The following CYP2U1 variants were observed in gnomAD, a reference collection of about 807,000 sequenced individuals.
CYP2U1 encodes cytochrome P450 family 2 subfamily U member 1.
In CYP2U1, 28 loss-of-function variants were observed where a neutral mutation model predicts 42.8. The observed-to-expected ratio is 0.65, with a 90% CI of 0.48 to 0.90. The LOEUF (loss-of-function observed/expected upper bound fraction) is 0.90, where lower values mean the gene tolerates loss of function less well. Ranked by LOEUF, CYP2U1 falls within the 40% of genes least tolerant of loss-of-function variation. CYP2U1 has a pLI of 0.00. For synonymous variants in CYP2U1, 296 were observed against 278.9 expected (o/e 1.06, Z -0.61); for missense variants, 642 against 693.8 (o/e 0.93, Z 0.84).
In CYP2U1 at chr4:107,953,189, A is replaced by C. The variant is rs186182905; in HGVS notation, c.*2766A>C. The C allele has an allele frequency of 6.6e-6, 1 of 152,346 alleles. No homozygotes were observed. Among genetic ancestry groups the C allele is most frequent in the East Asian group, 1.9e-4 (1 of 5,190 alleles). The allele number at this position is 152,346 out of a possible 1,614,324, so 9.4% of individuals were successfully genotyped here. ...AATAGTTTATAGCTTATTGAGAAGA[A>C]GTCTGTTCTTGGAGAGATGTTGAAA... On this transcript the variant is annotated 3_prime_UTR_variant, in exon 5 of 5. Coordinates refer to ENST00000332884, the MANE Select transcript of CYP2U1 (RefSeq NM_183075.3).
At chr4:107,943,656 A>G (rs910723183) in intron 1 of CYP2U1, among the ~76,000 whole-genome samples, 8 of 152,244 alleles carry the variant, frequency 5.3e-5, no homozygotes, top group Admixed American at 2.6e-4. Flanking sequence ...ATTGTCTGGT[A>G]TGTTTGACTG....
At chr4:107,932,979 G>A (rs188089706) in intron 1 of CYP2U1, among the ~76,000 whole-genome samples, 35 of 152,290 alleles carry the variant, frequency 2.3e-4, no homozygotes, top group Admixed American at 4.6e-4. Context: ...CTTCACCACT[G>A]TTCTGACATC....
At chr4:107,935,651 C>T (rs1733232901) in intron 1 of CYP2U1, 2 of 152,098 alleles carry the variant, frequency 1.3e-5, no homozygotes, top group Non-Finnish European at 2.9e-5. Flanking sequence ...TCAAGATGAT[C>T]ATCAAAGGAT....
chr4:107,941,959 C>G (rs1733509620), intron 1 of CYP2U1, among the ~76,000 whole-genome samples: 1 of 152,120 alleles, frequency 6.6e-6, no homozygotes, highest in African/African-American at 2.4e-5. Flanking sequence ...AAAAAGCTTA[C>G]ATTACGAAAC....
chr4:107,942,666 G>A (rs1733539766), intron 1 of CYP2U1, among the ~76,000 whole-genome samples: 1 of 152,168 alleles, frequency 6.6e-6, no homozygotes, highest in South Asian at 2.1e-4. Context: ...TTACAGATTG[G>A]TGGTGAAGGG....
chr4:107,934,065 G>T (rs1733158188), intron 1 of CYP2U1, among the ~76,000 whole-genome samples: 1 of 152,114 alleles, frequency 6.6e-6, no homozygotes, highest in African/African-American at 2.4e-5. Flanking sequence ...TGATCATGTG[G>T]TAATTCTAGG....
chr4:107,941,910 A>C (rs890273313), intron 1 of CYP2U1, among the ~76,000 whole-genome samples: 3 of 152,192 alleles, frequency 2.0e-5, no homozygotes, highest in African/African-American at 7.2e-5. Context: ...TGAGAAAGGA[A>C]ACTTATAAGC....
chr4:107,936,877 G>A (rs919849215), intron 1 of CYP2U1, among the ~76,000 whole-genome samples: 18 of 152,084 alleles, frequency 1.2e-4, no homozygotes, highest in Admixed American at 5.9e-4. Flanking sequence ...TAAAATAACC[G>A]TATTATGCAG....
chr4:107,937,014 GT>G (rs33951691), intron 1 of CYP2U1, among the ~76,000 whole-genome samples: 25,889 of 152,162 alleles, frequency 0.17, 2,414 homozygotes, highest in Non-Finnish European at 0.21. Context: ...TAGGACACTA[GT>G]CATGAAAGTA....
Position 107,947,397 on chromosome 4 carries a change from A to AAAG in CYP2U1, c.1150_1152dup (p.Arg384dup), listed in dbSNP as rs1733734789. 1 of 1,613,976 alleles carries AAAG rather than the reference A, an allele frequency of 6.2e-7. No individual in the cohort carries two copies. Among genetic ancestry groups the AAAG allele is most frequent in the Non-Finnish European group, 8.5e-7 (1 of 1,180,004 alleles). On this transcript the variant is annotated inframe_insertion, in exon 3 of 5. Coordinates refer to ENST00000332884, the MANE Select transcript of CYP2U1 (RefSeq NM_183075.3). The stretch of plus-strand genomic sequence containing the variant: ...ATAGAAAAGGTTCATGAAGAAATTG[A>AAAG]AAGAGTCATTGGCGCCAACCGAGCT...
chr4:107,950,492 C>A lies in CYP2U1; in HGVS notation c.*69C>A. 6.9e-7 allele frequency: 1 copy of A among 1,453,778 alleles called. No individual in the cohort carries two copies. Among genetic ancestry groups the A allele is most frequent in the East Asian group, 2.4e-5 (1 of 41,388 alleles). The allele number at this position is 1,453,778 out of a possible 1,614,324, so 90.1% of individuals were successfully genotyped here. ...TATCCTTCTAAGCAGATTCTTCCTACTGCAAAGGACAGTGAATCCAGCAAC... is the reference window on the plus strand; with the variant it reads ...TATCCTTCTAAGCAGATTCTTCCTAATGCAAAGGACAGTGAATCCAGCAAC... On this transcript the variant is annotated 3_prime_UTR_variant, in exon 5 of 5. Transcript: ENST00000332884.
chr4:107,950,251 G>T lies in CYP2U1; in HGVS notation c.1463G>T (p.Arg488Leu), dbSNP rs762873672. 6.3e-7 allele frequency: 1 copy of T among 1,596,634 alleles called. No homozygotes were observed. The highest frequency in any genetic ancestry group is 1.3e-5 in the African/African-American group (1 of 74,092). Reference sequence around the variant, plus strand: ...TTTCTGATCTCATTTTTAGGGAAGCGGGTGTGTATGGGAGAACAACTGGCA... The same window carrying T: ...TTTCTGATCTCATTTTTAGGGAAGCTGGTGTGTATGGGAGAACAACTGGCA... ...ETFIPFGIGK[R>L]VCMGEQLAKM... Residue 488 changes from arginine (R) to leucine (L), a missense_variant, in exon 5 of 5, where the codon CGG (arginine) becomes CTG (leucine). By Grantham distance (102) the Arg-to-Leu change is moderately radical. Coordinates refer to ENST00000332884, the MANE Select transcript of CYP2U1 (RefSeq NM_183075.3).
chr4:107,946,107 C>T (rs1396424920), intron 2 of CYP2U1, among the ~76,000 whole-genome samples: 4 of 152,136 alleles, frequency 2.6e-5, no homozygotes, highest in Non-Finnish European at 4.4e-5. Context: ...TACCACAAAC[C>T]GAGTGGCTTA....
intron 1 of CYP2U1, 104 bp downstream of exon 1, chr4:107,932,237 A>G: frequency 6.8e-7 from 1 of 1,461,498 alleles, no homozygotes. Flanking sequence ...CCGCGCCCCC[A>G]GGCTGCCTCA....
In CYP2U1 at chr4:107,931,578, T is replaced by A. The variant is rs1732965489; in HGVS notation, c.-66T>A. ...CAGAGCAGGACACTGGCGCCGCGGG[T>A]CAGGCAGCTGCGTGCGCGTCTCCTC... is the stretch of plus-strand genomic sequence containing the variant. On this transcript the variant is annotated 5_prime_UTR_variant, in exon 1 of 5. Coordinates refer to ENST00000332884, the MANE Select transcript of CYP2U1 (RefSeq NM_183075.3). 1.6e-6 allele frequency: 2 copies of A among 1,218,396 alleles called. No homozygotes were observed. Among genetic ancestry groups the A allele is most frequent in the Non-Finnish European group, 2.0e-6 (2 of 979,024 alleles). 75.5% of individuals were successfully genotyped at this position (1,218,396 alleles called of 1,614,324 possible).
In CYP2U1 at chr4:107,949,526, C is replaced by T; in HGVS notation, c.1456+9C>T. On this transcript the variant is annotated intron_variant, in intron 4 of 4. Transcript: ENST00000332884. ...TATTCCTTTTGGGATAGGTCAGTTA[C>T]ACTTTTTTAAACTGCATAATTTTTA... is the stretch of plus-strand genomic sequence containing the variant. 2 of 1,529,436 alleles carry T rather than the reference C, an allele frequency of 1.3e-6. No individual in the cohort carries two copies. Among genetic ancestry groups the T allele is most frequent in the Non-Finnish European group, 1.8e-6 (2 of 1,134,862 alleles). 94.7% of individuals were successfully genotyped at this position (1,529,436 alleles called of 1,614,324 possible).
intron 1 of CYP2U1, among the ~76,000 whole-genome samples, chr4:107,937,001 T>C (rs1733295069): frequency 6.7e-6 from 1 of 148,726 alleles, no homozygotes; most frequent in African/African-American, 2.4e-5. Context: ...CCACAAGTGC[T>C]TGTAGGACAC....
At chr4:107,946,311 T>G (rs1205390876) in intron 2 of CYP2U1, among the ~76,000 whole-genome samples, 5 of 152,168 alleles carry the variant, frequency 3.3e-5, no homozygotes, top group African/African-American at 1.2e-4. Flanking sequence ...GTTGCATCTC[T>G]GTAACCATTT....
Position 107,945,430 on chromosome 4 carries a change from C to A in CYP2U1, c.951C>A (p.Phe317Leu), listed in dbSNP as rs1733663793. Residue 317 changes from phenylalanine (F) to leucine (L), a missense_variant, in exon 2 of 5, where the codon TTC (phenylalanine) becomes TTA (leucine). By Grantham distance (22) the Phe-to-Leu change is conservative (BLOSUM62 0). Transcript: ENST00000332884. The part of the protein sequence containing the change: ...ESLDRENPQD[F>L]IDMYLLHMEE... Reference sequence around the variant, plus strand: ...TGGATAGAGAGAACCCTCAGGACTTCATAGACATGTACCTTCTCCACATGG... The same window carrying A: ...TGGATAGAGAGAACCCTCAGGACTTAATAGACATGTACCTTCTCCACATGG... The A allele has an allele frequency of 6.2e-7, 1 of 1,614,030 alleles. No individual in the cohort carries two copies. Among genetic ancestry groups the A allele is most frequent in the South Asian group, 1.1e-5 (1 of 91,074 alleles).
Sources: allele counts gnomAD v4.1 joint callset (sites outside exome capture counted in the v4.1 genomes callset), GRCh38; gene constraint gnomAD v4.1.1; transcripts MANE v1.5; gene names NCBI Gene and HGNC (gene_info 2026-07-23, HGNC 2026-07-21).